Variants in NR3C2 observed in about 807,000 individuals in gnomAD.
NR3C2 encodes the protein nuclear receptor subfamily 3 group C member 2, also known as mineralocorticoid receptor.
A neutral mutation model predicts 86.4 loss-of-function variants in NR3C2; 15 were observed. The observed-to-expected ratio is 0.17, with a 90% confidence interval of 0.12 to 0.27. The LOEUF is 0.27. Ranked by LOEUF, NR3C2 falls within the 10% of genes least tolerant of loss-of-function variation. The pLI, the probability that NR3C2 is intolerant of heterozygous loss-of-function variation, is 1.00. For synonymous variants in NR3C2, 458 were observed against 450.5 expected (o/e 1.02, Z -0.21); for missense variants, 960 against 1,195.6 (o/e 0.80, Z 2.91).
intron 2 of NR3C2, among the ~76,000 whole-genome samples, chr4:148,336,829 G>A (rs1318823609): frequency 1.3e-5 from 2 of 152,182 alleles, no homozygotes; most frequent in Non-Finnish European, 1.5e-5. Context: ...GTCACACTCT[G>A]TTGCCCAGGC....
chr4:148,212,874 A>G, intron 3 of NR3C2, among the ~76,000 whole-genome samples: 1 of 152,224 alleles, frequency 6.6e-6, no homozygotes, highest in Non-Finnish European at 1.5e-5. Flanking sequence ...TTTATTGTGC[A>G]GATGAAGGTT....
chr4:148,428,926 A>C (rs1749675430), intron 2 of NR3C2, among the ~76,000 whole-genome samples: 1 of 152,046 alleles, frequency 6.6e-6, no homozygotes, highest in African/African-American at 2.4e-5. Context: ...GTTAAGTACA[A>C]ATTTCTTAGT....
At chr4:148,134,643 C>CTTTTTTTT (rs1175816621) in intron 6 of NR3C2, among the ~76,000 whole-genome samples, 5 of 40,800 alleles carry the variant, frequency 1.2e-4, no homozygotes, top group East Asian at 1.6e-3. Context: ...CTCTCTCTCT[C>CTTTTTTTT]TTTTTTTTTT....
intron 8 of NR3C2, among the ~76,000 whole-genome samples, chr4:148,103,547 G>A (rs1387296671): frequency 6.6e-6 from 1 of 152,238 alleles, no homozygotes; most frequent in Non-Finnish European, 1.5e-5. Flanking sequence ...GTTTCACAGA[G>A]TGAATAACAA....
intron 7 of NR3C2, among the ~76,000 whole-genome samples, chr4:148,117,488 G>A (rs1181128085): frequency 6.6e-6 from 1 of 151,614 alleles, no homozygotes; most frequent in Non-Finnish European, 1.5e-5. Context: ...CCAAGCCATC[G>A]GTTTTAGTCC....
chr4:148,380,819 T>C (rs553980797), intron 2 of NR3C2, among the ~76,000 whole-genome samples: 2 of 152,336 alleles, frequency 1.3e-5, no homozygotes, highest in South Asian at 4.1e-4. Flanking sequence ...CTTACATATT[T>C]AGACCTCATT....
intron 2 of NR3C2, among the ~76,000 whole-genome samples, chr4:148,346,185 G>A (rs758190096): frequency 2.0e-5 from 3 of 152,102 alleles, no homozygotes; most frequent in Admixed American, 6.6e-5. Context: ...TAAGGCAATG[G>A]AAACTATGAA....
intron 6 of NR3C2, among the ~76,000 whole-genome samples, chr4:148,148,845 AT>A (rs896424852): frequency 4.6e-5 from 7 of 152,056 alleles, no homozygotes; most frequent in South Asian, 2.1e-4. Flanking sequence ...TGAGAGAGGG[AT>A]TTTTTTTCTC....
upstream of NR3C2, among the ~76,000 whole-genome samples, chr4:148,443,329 C>T (rs1191214815): frequency 6.9e-6 from 1 of 144,276 alleles, no homozygotes; most frequent in African/African-American, 2.6e-5. Flanking sequence ...AATTTTGTCA[C>T]TGTACTTACT....
intron 6 of NR3C2, among the ~76,000 whole-genome samples, chr4:148,137,059 G>A (rs1733380310): frequency 6.6e-6 from 1 of 152,166 alleles, no homozygotes; most frequent in South Asian, 2.1e-4. Flanking sequence ...TCTCACTTTA[G>A]GGGAAGTGAT....
intron 2 of NR3C2, among the ~76,000 whole-genome samples, chr4:148,290,348 A>G (rs1741738818): frequency 6.6e-6 from 1 of 152,134 alleles, no homozygotes; most frequent in Non-Finnish European, 1.5e-5. Context: ...CAACATACAA[A>G]TTTGGTGGGG....
intron 4 of NR3C2, among the ~76,000 whole-genome samples, chr4:148,164,765 C>T (rs1191262745): frequency 6.6e-6 from 1 of 152,138 alleles, no homozygotes; most frequent in Non-Finnish European, 1.5e-5. Flanking sequence ...TATGAAGAAA[C>T]ATTACTGTTC....
In NR3C2 at chr4:148,100,347, C is replaced by T. The variant is rs1315215253; in HGVS notation, c.2799+13757G>A. Among the ~76,000 whole-genome samples the T allele has an allele frequency of 2.0e-5, 3 of 152,044 alleles. No homozygotes were observed. The South Asian group carries it at 6.2e-4, about 32-fold the overall frequency. On this transcript the variant is annotated intron_variant, in intron 8 of 8. Transcript: ENST00000358102. ...ATAGATTGGATAAGGGGCCAATGTA[C>T]AGAATATATAAAGAACTCCTACAGC... is the stretch of plus-strand genomic sequence containing the variant.
At chr4:148,417,070 C>G (rs1749049793) in intron 2 of NR3C2, among the ~76,000 whole-genome samples, 2 of 152,164 alleles carry the variant, frequency 1.3e-5, no homozygotes, top group Admixed American at 1.3e-4. Flanking sequence ...AGCCACCGCA[C>G]CTGGCCTGTA....
At chr4:148,337,756 A>T (rs534136755) in intron 2 of NR3C2, among the ~76,000 whole-genome samples, 4 of 152,318 alleles carry the variant, frequency 2.6e-5, no homozygotes, top group Non-Finnish European at 5.9e-5. Context: ...ATAAGCTAAC[A>T]TTTCAGGCAA....
chr4:148,264,747 T>G (rs1740291773), intron 2 of NR3C2, among the ~76,000 whole-genome samples: 1 of 152,176 alleles, frequency 6.6e-6, no homozygotes, highest in Admixed American at 6.5e-5. Flanking sequence ...CCTGATCAAG[T>G]TTAATCCAAA....
At chr4:148,246,926 A>G (rs906455670) in intron 3 of NR3C2, among the ~76,000 whole-genome samples, 1 of 152,246 alleles carries the variant, frequency 6.6e-6, no homozygotes, top group African/African-American at 2.4e-5. Flanking sequence ...ACGATATTTT[A>G]TAAGTATTTC....
chr4:148,178,179 A>G (rs1402869766), intron 4 of NR3C2, among the ~76,000 whole-genome samples: 1 of 146,704 alleles, frequency 6.8e-6, no homozygotes, highest in Non-Finnish European at 1.5e-5. Context: ...TCTCTACTAA[A>G]AATTAGCTGG....
In NR3C2 at chr4:148,436,255, A is replaced by T. The variant is rs1406647987; in HGVS notation, c.606T>A (p.Ser202=). The T allele has an allele frequency of 6.2e-7, 1 of 1,614,206 alleles. No individual in the cohort carries two copies. Among genetic ancestry groups the T allele is most frequent in the South Asian group, 1.1e-5 (1 of 91,082 alleles). The change falls in exon 2 of 9, where the codon TCT becomes TCA. Residue 202 remains serine, a synonymous_variant. Coordinates refer to ENST00000358102, the MANE Select transcript of NR3C2 (RefSeq NM_000901.5). ...PSVCSPLNMT[S]SVCSPAGINS... ...TGATTCCAGCAGGGCTGCAAACCGA[A>T]GATGTCATGTTCAGAGGGCTGCAAA...
Sources: gnomAD v4.1 joint callset for allele counts (sites outside exome capture counted in the v4.1 genomes callset) on GRCh38, gnomAD v4.1.1 for gene constraint, MANE v1.5 for transcripts, NCBI Gene and HGNC (gene_info 2026-07-23, HGNC 2026-07-21) for gene names.